The following EVC2 variants were observed in gnomAD, a reference collection of about 807,000 sequenced individuals.
EVC2 encodes EvC ciliary complex subunit 2.
A neutral mutation model predicts 149.3 loss-of-function variants in EVC2; 148 were observed. That is an observed-to-expected ratio of 0.99 (90% CI 0.87 to 1.14). The LOEUF (loss-of-function observed/expected upper bound fraction) is 1.14. EVC2 is among the 50% of genes most tolerant of loss of function. The probability of loss-of-function intolerance (pLI) is 0.00; values close to 1 mark genes in which losing one functional copy is unlikely to be tolerated. For missense variants in EVC2, 1,854 were observed against 1,627.3 expected (o/e 1.14, Z -2.40); for synonymous variants, 776 against 649.9 (o/e 1.19, Z -2.95).
chr4:5,620,715 G>A (rs950152545), intron 14 of EVC2, among the ~76,000 whole-genome samples: 9 of 152,186 alleles, frequency 5.9e-5, no homozygotes, highest in Middle Eastern at 3.2e-3. Context: ...TGATAGCCAA[G>A]TGAGAGTTCT....
chr4:5,697,207 C>G (rs1487855273), intron 2 of EVC2, among the ~76,000 whole-genome samples: 1 of 152,232 alleles, frequency 6.6e-6, no homozygotes, highest in African/African-American at 2.4e-5. Context: ...CCCAGTGAAA[C>G]TGATGTTGGA....
At chr4:5,665,891 T>C (rs1487310073) in intron 7 of EVC2, among the ~76,000 whole-genome samples, 1 of 152,154 alleles carries the variant, frequency 6.6e-6, no homozygotes, top group East Asian at 1.9e-4. Context: ...TTGCACACAA[T>C]AGCACCATCC....
At chr4:5,535,631 G>GAGAGAGAGAGAC in the EVC2 span, among the ~76,000 whole-genome samples, 8,116 of 150,640 alleles carry the variant, frequency 0.054, 305 homozygotes, top group South Asian at 0.16. This position sits in a 1 kb window ranked among gnomAD's most constrained non-coding sequence, Gnocchi z 4.7. Flanking sequence ...GAGAGAGAGA[G>GAGAGAGAGAGAC]AGAAAGAGAT....
rs371570790 is a variant in EVC2, at chr4:5,622,517, C to T, written c.2501+20G>A. 29 of 1,610,486 alleles carry T rather than the reference C, an allele frequency of 1.8e-5. No individual in the cohort carries two copies. Among genetic ancestry groups the T allele is most frequent in the East Asian group, 1.1e-4 (5 of 44,664 alleles). ...TCAACGGGATGGGGAGGGGTGATTA[C>T]GACCCGCAAAGGCACTCACATGAAG... is the stretch of plus-strand genomic sequence containing the variant. On this transcript the variant is annotated intron_variant, in intron 14 of 21. Coordinates refer to ENST00000344408, the MANE Select transcript of EVC2 (RefSeq NM_147127.5). The surrounding 1 kb of genome is among the most constrained non-coding windows in gnomAD (Gnocchi z 5.8).
At chr4:5,552,730 G>A (rs928023491) in intron 21 of EVC2, among the ~76,000 whole-genome samples, 29 of 152,314 alleles carry the variant, frequency 1.9e-4, no homozygotes, top group Admixed American at 1.6e-3. Flanking sequence ...AACAGAGTCC[G>A]CAGGTCTAGA....
rs373987726 is a variant in EVC2 at position 5,613,672 on chromosome 4, AGTTT to A, written c.2829+1746_2829+1749del. The stretch of plus-strand genomic sequence containing the variant: ...TAGTGACACTGTGATTGCTTGATGG[AGTTT>A]GTTTAATACTCAGGTAGTTTAGGAA... On this transcript the variant is annotated intron_variant, in intron 16 of 21. Coordinates refer to ENST00000344408, the MANE Select transcript of EVC2 (RefSeq NM_147127.5). This position sits in a 1 kb window ranked among gnomAD's most constrained non-coding sequence, Gnocchi z 4.6. Among the ~76,000 whole-genome samples, 427 of 151,900 alleles carry A rather than the reference AGTTT, an allele frequency of 2.8e-3. 2 individuals are homozygous for A. Among genetic ancestry groups the A allele is most frequent in the African/African-American group, 0.01 (419 of 41,260 alleles).
At chr4:5,635,932 C>T (rs907975039) in intron 10 of EVC2, among the ~76,000 whole-genome samples, 1 of 152,222 alleles carries the variant, frequency 6.6e-6, no homozygotes, top group Non-Finnish European at 1.5e-5. Context: ...GGTTTGCCCA[C>T]CTTCAAGTAG....
At chr4:5,596,056 C>A (rs1486032360) in intron 16 of EVC2, among the ~76,000 whole-genome samples, 1 of 152,184 alleles carries the variant, frequency 6.6e-6, no homozygotes, top group Non-Finnish European at 1.5e-5. Context: ...CTGGAGCACC[C>A]AGATTCATAA....
In EVC2 at chr4:5,624,865, C is replaced by G. The variant is rs140878936; in HGVS notation, c.2046+884G>C. On this transcript the variant is annotated intron_variant, in intron 13 of 21. Transcript: ENST00000344408. ...ATCAAATTTGAAAGTTATTCTTCAT[C>G]CCCTCCCTGCAAATGGTGTCAACCA... Among the ~76,000 whole-genome samples, 650 of 152,266 alleles carry G rather than the reference C, an allele frequency of 4.3e-3. 7 individuals carry two copies. The highest frequency in any genetic ancestry group is 0.014 in the Middle Eastern group (4 of 294).
At position 5,628,634 on chromosome 4, in the gene EVC2, G is replaced by A; in HGVS notation, c.1811C>T (p.Ser604Leu). 2 of 1,614,000 alleles carry A rather than the reference G, an allele frequency of 1.2e-6. No individual in the cohort carries two copies. The highest frequency in any genetic ancestry group is 3.3e-5 in the Admixed American group (2 of 60,004). ...AAGGCCCTGCACACGGGTCTCTGAT[G>A]ACTGGAGGTTCTGGACCAGATATTC... ...HREYLVQNLQSSETRVQGLLS... is the reference protein window; with the variant it reads ...HREYLVQNLQLSETRVQGLLS... Residue 604 changes from serine to leucine, a missense_variant, in exon 12 of 22, where the codon TCA becomes TTA. Transcript: ENST00000344408.
In EVC2 at chr4:5,640,429, A is replaced by T; in HGVS notation, c.1470+85T>A. 2 of 1,524,980 alleles carry T rather than the reference A, an allele frequency of 1.3e-6. No individual in the cohort carries two copies. The highest frequency in any genetic ancestry group is 1.1e-5 in the South Asian group (1 of 89,134). 94.5% of individuals were successfully genotyped at this position (1,524,980 alleles called of 1,614,324 possible). On this transcript the variant is annotated intron_variant, in intron 10 of 21. Coordinates refer to ENST00000344408, the MANE Select transcript of EVC2 (RefSeq NM_147127.5). This position sits in a 1 kb window ranked among gnomAD's most constrained non-coding sequence, Gnocchi z 4.6. The stretch of plus-strand genomic sequence containing the variant: ...GATGGGTAGACGGATGGAGGAGGCA[A>T]ATGGACAGATGAGTGGGTAGATGGA...
chr4:5,644,584 T>A lies in EVC2; in HGVS notation c.1146-3746A>T, dbSNP rs189386725. On this transcript the variant is annotated intron_variant, in intron 9 of 21. Transcript: ENST00000344408. ...TCTCAAAGTGCTGGGATTACAGGTG[T>A]GAGCCACCGTGTCTGGCCACCATCT... is the stretch of plus-strand genomic sequence containing the variant. Among the ~76,000 whole-genome samples, 330 of 152,308 alleles carry A rather than the reference T, an allele frequency of 2.2e-3. 3 individuals carry two copies. The highest frequency in any genetic ancestry group is 7.6e-3 in the African/African-American group (317 of 41,568).
Position 5,677,889 on chromosome 4 carries a change from C to T in EVC2, c.870+3371G>A, listed in dbSNP as rs922643693. ...CTCACTAAACTGAACACTCACCTAA[C>T]GCCAGCCTTGTACTTTCTCTTCGTC... On this transcript the variant is annotated intron_variant, in intron 7 of 21. Transcript: ENST00000344408. The surrounding 1 kb of genome is among the most constrained non-coding windows in gnomAD (Gnocchi z 4.3). 1.3e-5 allele frequency among the ~76,000 whole-genome samples: 2 copies of T among 152,336 alleles called. No homozygotes were observed. Among genetic ancestry groups the T allele is most frequent in the South Asian group, 2.1e-4 (1 of 4,824 alleles).
At chr4:5,676,877 G>T (rs1290748454) in intron 7 of EVC2, among the ~76,000 whole-genome samples, 1 of 152,092 alleles carries the variant, frequency 6.6e-6, no homozygotes, top group Non-Finnish European at 1.5e-5. Context: ...CTCAGTGTGA[G>T]GGTGGGGATG....
chr4:5,640,415 G>A lies in EVC2; in HGVS notation c.1470+99C>T, dbSNP rs537584538. 9.3e-6 allele frequency: 13 copies of A among 1,401,420 alleles called. No individual in the cohort carries two copies. In the East Asian group the frequency reaches 1.1e-4, roughly 12 times the overall value. The allele number at this position is 1,401,420 out of a possible 1,614,324, so 86.8% of individuals were successfully genotyped here. A position where few individuals can be genotyped will look rare whatever the true frequency, so the allele number is the denominator to read the frequency against. On this transcript the variant is annotated intron_variant, in intron 10 of 21. Coordinates refer to ENST00000344408, the MANE Select transcript of EVC2 (RefSeq NM_147127.5). The surrounding 1 kb of genome is among the most constrained non-coding windows in gnomAD (Gnocchi z 4.6). ...GTGGTTGGATGGATGATGGGTAGACGGATGGAGGAGGCAAATGGACAGATG... is the reference window on the plus strand; with the variant it reads ...GTGGTTGGATGGATGATGGGTAGACAGATGGAGGAGGCAAATGGACAGATG...
At chr4:5,645,203 T>A (rs10024644) in intron 9 of EVC2, among the ~76,000 whole-genome samples, 85,146 of 151,422 alleles carry the variant, frequency 0.56, 24,864 homozygotes, top group Middle Eastern at 0.65. Context: ...GATCCCTGCA[T>A]TATATTTCCC....
At chr4:5,556,029 A>G (rs545155176) in intron 21 of EVC2, among the ~76,000 whole-genome samples, 3 of 152,090 alleles carry the variant, frequency 2.0e-5, no homozygotes, top group African/African-American at 7.2e-5. Context: ...AATACAAAAA[A>G]TTAGCCGGGC....
intron 9 of EVC2, among the ~76,000 whole-genome samples, chr4:5,644,216 A>C (rs1419094328): frequency 6.6e-6 from 1 of 152,190 alleles, no homozygotes; most frequent in African/African-American, 2.4e-5. Flanking sequence ...TAACAGATCT[A>C]AGATCTTCAT....
At chr4:5,543,100 C>T (rs748068988) in exon 22 of EVC2, 65 of 1,282,166 alleles carry the variant, frequency 5.1e-5, no homozygotes, top group Non-Finnish European at 6.4e-5. Context: ...GGTAACTCAT[C>T]TATGTTTGGG....
Sources: allele counts gnomAD v4.1 joint callset (sites outside exome capture counted in the v4.1 genomes callset), GRCh38; gene constraint gnomAD v4.1.1; non-coding constraint Gnocchi (gnomAD v3.1); transcripts MANE v1.5; gene names NCBI Gene and HGNC (gene_info 2026-07-23, HGNC 2026-07-21).